PIK3C2G: variants seen among roughly 807,000 people sequenced by gnomAD.
PIK3C2G encodes the protein phosphatidylinositol-4-phosphate 3-kinase catalytic subunit type 2 gamma.
In PIK3C2G, 168 loss-of-function variants were observed where a neutral mutation model predicts 181.1. The observed-to-expected ratio is 0.93, with a 90% CI of 0.82 to 1.05. The LOEUF is 1.05. Ranked by LOEUF, PIK3C2G falls within the 50% of genes least tolerant of loss-of-function variation. PIK3C2G has a pLI of 0.00. For synonymous variants in PIK3C2G, 573 were observed against 592.2 expected (o/e 0.97, Z 0.47); for missense variants, 1,869 against 1,732.8 (o/e 1.08, Z -1.40).
At position 18,614,761 on chromosome 12, in the gene PIK3C2G, C is replaced by G. The variant is rs545961150; in HGVS notation, c.4182+5132C>G. ...TTACATCTCTACATTCAATCTTTCT[C>G]TGACCTTCATTTACATGTTTCCAAC... is the stretch of plus-strand genomic sequence containing the variant. On this transcript the variant is annotated intron_variant, in intron 31 of 32. Coordinates refer to ENST00000538779, the MANE Select transcript of PIK3C2G (RefSeq NM_001288772.2). 9.2e-5 allele frequency among the ~76,000 whole-genome samples: 14 copies of G among 152,210 alleles called. No homozygotes were observed. In the South Asian group the frequency reaches 2.7e-3, roughly 29 times the overall value.
the PIK3C2G span, chr12:18,712,720 G>C: frequency 1.2e-4 from 143 of 1,239,316 alleles, no homozygotes; most frequent in Non-Finnish European, 1.5e-4. Flanking sequence ...CCTACTAATG[G>C]ATCATAACCC....
intron 18 of PIK3C2G, among the ~76,000 whole-genome samples, chr12:18,480,802 A>C (rs1939482302): frequency 6.6e-6 from 1 of 152,236 alleles, no homozygotes; most frequent in Non-Finnish European, 1.5e-5. Flanking sequence ...CTGAGCTGCT[A>C]GTCTGGGCAC....
At chr12:18,335,222 C>T (rs979074019) in intron 8 of PIK3C2G, among the ~76,000 whole-genome samples, 1 of 152,076 alleles carries the variant, frequency 6.6e-6, no homozygotes, top group Non-Finnish European at 1.5e-5. Flanking sequence ...CTGCCCCTTC[C>T]CCCTACCTTC....
chr12:18,574,009 G>A (rs113966065), intron 29 of PIK3C2G, among the ~76,000 whole-genome samples: 115 of 152,198 alleles, frequency 7.6e-4, no homozygotes, highest in African/African-American at 2.1e-3. Flanking sequence ...ATACACACAC[G>A]TACTCTATAT....
At chr12:18,608,207 G>C (rs1446284023) in intron 30 of PIK3C2G, among the ~76,000 whole-genome samples, 6 of 152,042 alleles carry the variant, frequency 3.9e-5, no homozygotes, top group Non-Finnish European at 5.9e-5. Flanking sequence ...CCATTACTGG[G>C]TATATACCCA....
intron 16 of PIK3C2G, among the ~76,000 whole-genome samples, chr12:18,407,610 G>C (rs1243543410): frequency 6.6e-6 from 1 of 152,054 alleles, no homozygotes; most frequent in Non-Finnish European, 1.5e-5. Flanking sequence ...CAAATTATGA[G>C]TGTAAAACAA....
chr12:18,537,366 T>G (rs1207229065), intron 24 of PIK3C2G, among the ~76,000 whole-genome samples: 1 of 152,088 alleles, frequency 6.6e-6, no homozygotes, highest in Non-Finnish European at 1.5e-5. Flanking sequence ...CAATGAGTGG[T>G]AATTCCTCCA....
At chr12:18,626,256 T>C (rs115576889) in intron 31 of PIK3C2G, among the ~76,000 whole-genome samples, 2,034 of 152,046 alleles carry the variant, frequency 0.013, 51 homozygotes, top group African/African-American at 0.047. Context: ...TACAACAGTC[T>C]ATTTCAAGCC....
At chr12:18,488,725 C>T in intron 19 of PIK3C2G, 96 bp downstream of exon 19, 1 of 710,594 alleles carries the variant, frequency 1.4e-6, no homozygotes, top group Non-Finnish European at 2.1e-6. Flanking sequence ...TCCTTGATTA[C>T]ACTTAAATAG....
intron 25 of PIK3C2G, among the ~76,000 whole-genome samples, chr12:18,541,339 C>T (rs1159334206): frequency 6.6e-6 from 1 of 151,806 alleles, no homozygotes; most frequent in Non-Finnish European, 1.5e-5. Flanking sequence ...CATGAAATTC[C>T]CATCTTGCTT....
intron 6 of PIK3C2G, among the ~76,000 whole-genome samples, chr12:18,315,557 C>T (rs546098084): frequency 6.6e-6 from 1 of 152,284 alleles, no homozygotes; most frequent in East Asian, 1.9e-4. Context: ...TGTTTAAAAA[C>T]TCTTGTAACT....
chr12:18,354,649 C>A lies in PIK3C2G; in HGVS notation c.1625+7813C>A, dbSNP rs143144634. Reference sequence around the variant, plus strand: ...GTTCCCTCCTGAGGCCAAGCCAGTCCTCATAATTTGGCCAAACCTTTGTGC... The same window carrying A: ...GTTCCCTCCTGAGGCCAAGCCAGTCATCATAATTTGGCCAAACCTTTGTGC... On this transcript the variant is annotated intron_variant, in intron 11 of 32. Coordinates refer to ENST00000538779, the MANE Select transcript of PIK3C2G (RefSeq NM_001288772.2). Among the ~76,000 whole-genome samples, 1,157 of 152,284 alleles carry A rather than the reference C, an allele frequency of 7.6e-3. 13 individuals carry two copies. Among genetic ancestry groups the A allele is most frequent in the African/African-American group, 0.026 (1,101 of 41,554 alleles).
intron 25 of PIK3C2G, among the ~76,000 whole-genome samples, chr12:18,545,097 A>T (rs1944354308): frequency 6.6e-6 from 1 of 151,888 alleles, no homozygotes; most frequent in Non-Finnish European, 1.5e-5. Flanking sequence ...AGGATAGAGT[A>T]CAAAATCCTT....
At chr12:18,545,065 C>T (rs1012269760) in intron 25 of PIK3C2G, among the ~76,000 whole-genome samples, 1 of 151,798 alleles carries the variant, frequency 6.6e-6, no homozygotes, top group Admixed American at 6.6e-5. Context: ...ACTTAAAGAG[C>T]TTTCTTGTTT....
At chr12:18,389,855 A>G (rs1395764628) in intron 14 of PIK3C2G, among the ~76,000 whole-genome samples, 6 of 152,214 alleles carry the variant, frequency 3.9e-5, no homozygotes, top group Non-Finnish European at 8.8e-5. Context: ...TTGTATGCTC[A>G]TCTACCTTTC....
intron 24 of PIK3C2G, among the ~76,000 whole-genome samples, chr12:18,527,553 G>A (rs1000454163): frequency 6.6e-6 from 1 of 152,062 alleles, no homozygotes; most frequent in South Asian, 2.1e-4. Flanking sequence ...AAGAGTTATA[G>A]CATTGTTAAT....
At chr12:18,284,842 A>T (rs1209421564) in intron 2 of PIK3C2G, among the ~76,000 whole-genome samples, 1 of 152,194 alleles carries the variant, frequency 6.6e-6, no homozygotes, top group Non-Finnish European at 1.5e-5. Context: ...TACAGAAAAC[A>T]CAGGGATCAC....
chr12:18,434,774 A>G (rs1299728298), intron 18 of PIK3C2G, among the ~76,000 whole-genome samples: 1 of 152,216 alleles, frequency 6.6e-6, no homozygotes, highest in African/African-American at 2.4e-5. Context: ...GGAAGAGGGC[A>G]TGAAAGAAAA....
At chr12:18,280,194 T>C (rs1278850612) in intron 1 of PIK3C2G, among the ~76,000 whole-genome samples, 1 of 151,958 alleles carries the variant, frequency 6.6e-6, no homozygotes, top group African/African-American at 2.4e-5. Context: ...AATAATACGG[T>C]CAACAAATGA....
Sources: allele counts gnomAD v4.1 joint callset (sites outside exome capture counted in the v4.1 genomes callset), GRCh38; gene constraint gnomAD v4.1.1; transcripts MANE v1.5; gene names NCBI Gene and HGNC (gene_info 2026-07-23, HGNC 2026-07-21).